The following MSH5 variants were observed in gnomAD, a reference collection of about 807,000 sequenced individuals.
MSH5 encodes mutS protein homolog 5.
In MSH5, 78 loss-of-function variants were observed where a neutral mutation model predicts 107.7. That is an observed-to-expected ratio of 0.72 (90% CI 0.60 to 0.87). The LOEUF is 0.87. Among genes scored for constraint, MSH5 ranks in the 40% least tolerant of loss-of-function variants. MSH5 has a pLI of 0.00. For missense variants in MSH5, 889 were observed against 1,046.6 expected (o/e 0.85, Z 2.08); for synonymous variants, 326 against 399.5 (o/e 0.82, Z 2.19).
chr6:31,755,057 T>A (rs1242376276), intron 12 of MSH5, among the ~76,000 whole-genome samples: 2 of 152,184 alleles, frequency 1.3e-5, no homozygotes, highest in Non-Finnish European at 2.9e-5. Flanking sequence ...CGGCCAATAT[T>A]TCAGGGTAAT....
At chr6:31,743,061 A>C in intron 4 of MSH5, 47 bp from the exon 5 acceptor site, 2 of 1,611,648 alleles carry the variant, frequency 1.2e-6, no homozygotes, top group Non-Finnish European at 1.7e-6. Flanking sequence ...CAGAGGTAGA[A>C]GGACTGAGAT....
intron 10 of MSH5, 44 bp downstream of exon 10, chr6:31,747,476 A>G: frequency 9.5e-6 from 15 of 1,583,214 alleles, no homozygotes; most frequent in Non-Finnish European, 1.3e-5. Flanking sequence ...CATGAATTCC[A>G]TATGCACACT....
In MSH5 at chr6:31,743,989, C is replaced by T. The variant is rs1374877911; in HGVS notation, c.501C>T (p.Phe167=). Residue 167 remains phenylalanine (F), a synonymous_variant, in exon 6 of 25, where the codon TTC becomes TTT. Coordinates refer to ENST00000375750, the MANE Select transcript of MSH5 (RefSeq NM_172166.4). ...TGACTGCCACTGAGAAAATCCTCTTCCTCTCTTCCATTATTCCCTTTGACT... is the reference window on the plus strand; with the variant it reads ...TGACTGCCACTGAGAAAATCCTCTTTCTCTCTTCCATTATTCCCTTTGACT... ...DAMTATEKIL[F]LSSIIPFDCL... 1 of 1,613,962 alleles carries T rather than the reference C, an allele frequency of 6.2e-7. No individual in the cohort carries two copies. The highest frequency in any genetic ancestry group is 2.2e-5 in the East Asian group (1 of 44,896).
chr6:31,750,122 C>T (rs999849157), intron 10 of MSH5, among the ~76,000 whole-genome samples: 2 of 152,076 alleles, frequency 1.3e-5, no homozygotes, highest in African/African-American at 4.8e-5. Flanking sequence ...GCGTATTCCC[C>T]AAATGGAATC....
intron 24 of MSH5, 29 bp downstream of exon 24, chr6:31,762,214 C>T: frequency 5.6e-6 from 9 of 1,606,228 alleles, no homozygotes; most frequent in Non-Finnish European, 7.7e-6. Flanking sequence ...TGTCTTTACC[C>T]TCTCTGCATC....
In MSH5 at chr6:31,758,073, C is replaced by T. The variant is rs897256144; in HGVS notation, c.1015-92C>T. 2.7e-6 allele frequency: 4 copies of T among 1,503,068 alleles called. No homozygotes were observed. Among genetic ancestry groups the T allele is most frequent in the Non-Finnish European group, 3.7e-6 (4 of 1,091,374 alleles). The allele number at this position is 1,503,068 out of a possible 1,614,324, so 93.1% of individuals were successfully genotyped here. A position where few individuals can be genotyped will look rare whatever the true frequency, so the allele number is the denominator to read the frequency against. On this transcript the variant is annotated intron_variant, in intron 12 of 24. Transcript: ENST00000375750. This position sits in a 1 kb window ranked among gnomAD's most constrained non-coding sequence, Gnocchi z 5.1. ...TTCCCTCTTTGTTACTGTGATCTTC[C>T]CTACTGGTCTTTGTTCTTCTGAGTC...
At position 31,760,851 on chromosome 6, in the gene MSH5, C is replaced by T. The variant is rs1029433154; in HGVS notation, c.1962+12C>T. The T allele has an allele frequency of 2.5e-6, 4 of 1,609,818 alleles. No homozygotes were observed. In the African/African-American group the frequency reaches 5.3e-5, roughly 22 times the overall value. On this transcript the variant is annotated intron_variant, in intron 20 of 24. Transcript: ENST00000375750. The surrounding 1 kb of genome is among the most constrained non-coding windows in gnomAD (Gnocchi z 5.6). ...TCGACCTCAACCAGGTCAAAGGGAA[C>T]AAAGGGAGGTGGGATTGAGGAAGGG... is the stretch of plus-strand genomic sequence containing the variant.
chr6:31,753,609 G>A lies in MSH5; in HGVS notation c.994G>A (p.Asp332Asn), dbSNP rs1384916782. ...RMKLSHTKVSDWQVLYKTVYS... is the reference protein window; with the variant it reads ...RMKLSHTKVSNWQVLYKTVYS... ...GAAGTTGTCCCACACCAAGGTCAGC[G>A]ACTGGCAGGTTCTCTACAAGGTAAG... The change falls in exon 12 of 25, where the codon GAC becomes AAC. Residue 332 changes from aspartate to asparagine, a missense_variant. Asp to Asn is a conservative substitution (Grantham distance 23). Around this residue, in one of 3 missense-constraint regions of MSH5, gnomAD observed 518 missense variants for 565.0 expected, o/e 0.92. Coordinates refer to ENST00000375750, the MANE Select transcript of MSH5 (RefSeq NM_172166.4). The A allele has an allele frequency of 6.2e-6, 10 of 1,614,046 alleles. No homozygotes were observed. Among genetic ancestry groups the A allele is most frequent in the African/African-American group, 1.3e-5 (1 of 74,912 alleles).
At chr6:31,746,918 G>C (rs1409785765) in intron 9 of MSH5, among the ~76,000 whole-genome samples, 1 of 151,990 alleles carries the variant, frequency 6.6e-6, no homozygotes, top group Admixed American at 6.6e-5. Flanking sequence ...TGCCTCCCGG[G>C]TTCATGCCAT....
In MSH5 at chr6:31,762,546, T is replaced by C; in HGVS notation, c.*15T>C. The stretch of plus-strand genomic sequence containing the variant: ...GCATCCTCTGAGAGTCCTTCCAGTG[T>C]CCTCCCCAGCCTCCTGAGACTCCGG... On this transcript the variant is annotated 3_prime_UTR_variant, in exon 25 of 25. Coordinates refer to ENST00000375750, the MANE Select transcript of MSH5 (RefSeq NM_172166.4). The C allele has an allele frequency of 6.3e-7, 1 of 1,575,118 alleles. No homozygotes were observed. Among genetic ancestry groups the C allele is most frequent in the Non-Finnish European group, 8.7e-7 (1 of 1,144,898 alleles).
Position 31,740,204 on chromosome 6 carries a change from C to G in MSH5, c.-14+142C>G, listed in dbSNP as rs1028333026. On this transcript the variant is annotated intron_variant, in intron 1 of 24. Transcript: ENST00000375750. This position sits in a 1 kb window ranked among gnomAD's most constrained non-coding sequence, Gnocchi z 4.4. ...CGACTCGCCCCACAGGGCCCTCAGA[C>G]CCCTTCCTTCCAAAGGGTAACCTCC... 1.2e-5 allele frequency: 5 copies of G among 416,674 alleles called. No homozygotes were observed. Among genetic ancestry groups the G allele is most frequent in the Non-Finnish European group, 2.2e-5 (5 of 231,550 alleles). The allele number at this position is 416,674 out of a possible 1,614,324, so 25.8% of individuals were successfully genotyped here. A position where few individuals can be genotyped will look rare whatever the true frequency, so the allele number is the denominator to read the frequency against.
Position 31,760,352 on chromosome 6 carries a change from A to C in MSH5, c.1812+136A>C. 8.2e-7 allele frequency: 1 copy of C among 1,216,134 alleles called. No individual in the cohort carries two copies. Among genetic ancestry groups the C allele is most frequent in the Non-Finnish European group, 1.1e-6 (1 of 883,134 alleles). The allele number at this position is 1,216,134 out of a possible 1,614,324, so 75.3% of individuals were successfully genotyped here. ...TCTTCATGAAAGGACCATCACCCAC[A>C]TCCCTGTGCTTCCACCTCACATGTT... On this transcript the variant is annotated intron_variant, in intron 19 of 24. Coordinates refer to ENST00000375750, the MANE Select transcript of MSH5 (RefSeq NM_172166.4). The surrounding 1 kb of genome is among the most constrained non-coding windows in gnomAD (Gnocchi z 5.6).
chr6:31,761,236 G>C lies in MSH5; in HGVS notation c.2011G>C (p.Asp671His). 1 of 1,613,932 alleles carries C rather than the reference G, an allele frequency of 6.2e-7. No homozygotes were observed. The highest frequency in any genetic ancestry group is 8.5e-7 in the Non-Finnish European group (1 of 1,180,024). Residue 671 changes from aspartate (D) to histidine (H), a missense_variant, in exon 21 of 25, where the codon GAT (aspartate) becomes CAT (histidine). Physicochemically the swap from Asp to His is moderately conservative, Grantham distance 81. This residue lies in a region of MSH5 where 362 missense variants were observed against 456.2 expected (regional missense o/e 0.79). Coordinates refer to ENST00000375750, the MANE Select transcript of MSH5 (RefSeq NM_172166.4). The surrounding 1 kb of genome is among the most constrained non-coding windows in gnomAD (Gnocchi z 5.3). ...CACTGCACAGTCGCTGGTCCTTATT[G>C]ATGAATTTGGAAAGGGAACCAACAC... is the stretch of plus-strand genomic sequence containing the variant. ...NATAQSLVLI[D>H]EFGKGTNTVD...
intron 3 of MSH5, among the ~76,000 whole-genome samples, chr6:31,742,102 T>C (rs1808968946): frequency 6.6e-6 from 1 of 152,178 alleles, no homozygotes; most frequent in Admixed American, 6.5e-5. Context: ...ACACTGGGGA[T>C]TAAATTTCAA....
chr6:31,743,381 T>A (rs1409027339), intron 5 of MSH5: 1 of 609,078 alleles, frequency 1.6e-6, no homozygotes, highest in African/African-American at 1.9e-5. Flanking sequence ...GCTTAAGTCA[T>A]GTCTAGGGAT....
chr6:31,747,653 G>A (rs1809582370), intron 10 of MSH5, among the ~76,000 whole-genome samples: 1 of 152,070 alleles, frequency 6.6e-6, no homozygotes. Context: ...GTCAGCGCAG[G>A]TACACATATA....
At position 31,744,282 on chromosome 6, in the gene MSH5, C is replaced by G. The variant is rs528976367; in HGVS notation, c.630C>G (p.Gly210=). 17 of 1,614,118 alleles carry G rather than the reference C, an allele frequency of 1.1e-5. No individual in the cohort carries two copies. The African/African-American group carries it at 2.0e-4, about 19-fold the overall frequency. Residue 210 remains glycine (G), a synonymous_variant, in exon 7 of 25, where the codon GGC becomes GGG. Transcript: ENST00000375750. ...EDYNVSVPIL[G]FKKFMLTHLV... is the part of the protein sequence containing the mutation. ...ATAATGTCAGCGTCCCCATCCTGGG[C>G]TTTAAGAAATTTATGTTGTAGGTGA...
intron 10 of MSH5, among the ~76,000 whole-genome samples, chr6:31,752,176 C>T (rs578212615): frequency 6.6e-6 from 1 of 151,584 alleles, no homozygotes; most frequent in African/African-American, 2.4e-5. Context: ...CGCGGTGGCT[C>T]ATGCCTGTAA....
intron 12 of MSH5, among the ~76,000 whole-genome samples, chr6:31,755,112 TCTTA>T (rs1489271327): frequency 6.6e-6 from 1 of 152,102 alleles, no homozygotes; most frequent in Non-Finnish European, 1.5e-5. Flanking sequence ...AGTATTGTTA[TCTTA>T]CTTTAAAAAT....
Sources: allele counts gnomAD v4.1 joint callset (sites outside exome capture counted in the v4.1 genomes callset), GRCh38; gene constraint gnomAD v4.1.1; regional missense constraint gnomAD v4.1.1; non-coding constraint Gnocchi (gnomAD v3.1); transcripts MANE v1.5; gene names NCBI Gene and HGNC (gene_info 2026-07-23, HGNC 2026-07-21).